Variants in EPHA6 observed in about 807,000 individuals in gnomAD.
EPHA6 encodes the protein EPH receptor A6, also known as ephrin type-A receptor 6.
EPHA6 carries 50 observed loss-of-function variants against 112.0 expected under a neutral mutation model. The ratio of observed to expected loss-of-function variants is 0.45; its 90% CI spans 0.36 to 0.56. EPHA6 has a LOEUF of 0.56. Among genes scored for constraint, EPHA6 ranks in the 20% least tolerant of loss-of-function variants. The probability of loss-of-function intolerance (pLI) is 0.00; values close to 1 mark genes in which losing one functional copy is unlikely to be tolerated. For missense variants in EPHA6, 1,280 were observed against 1,417.4 expected, an observed-to-expected ratio of 0.90 and a Z score of 1.56; for synonymous variants, 529 against 490.7, an observed-to-expected ratio of 1.08 and a Z score of -1.03.
chr3:97,539,115 T>C (rs1293863701), intron 11 of EPHA6, among the ~76,000 whole-genome samples: 4 of 148,838 alleles, frequency 2.7e-5, no homozygotes, highest in African/African-American at 1.0e-4. Flanking sequence ...TTTCTTTCTT[T>C]CTTTCTTTCT....
intron 3 of EPHA6, among the ~76,000 whole-genome samples, chr3:97,151,574 T>A (rs1157401038): frequency 6.6e-6 from 1 of 152,024 alleles, no homozygotes; most frequent in Non-Finnish European, 1.5e-5. Context: ...ACATAGGATC[T>A]GATGGTCTGA....
chr3:97,596,632 A>C (rs1246815073), intron 12 of EPHA6, among the ~76,000 whole-genome samples: 1 of 151,566 alleles, frequency 6.6e-6, no homozygotes, highest in African/African-American at 2.4e-5. Flanking sequence ...ATGTAAAGGC[A>C]TGTTTATTAT....
At chr3:97,225,868 C>A (rs764347600) in intron 3 of EPHA6, among the ~76,000 whole-genome samples, 2 of 152,098 alleles carry the variant, frequency 1.3e-5, no homozygotes, top group Non-Finnish European at 2.9e-5. Flanking sequence ...AATGTAAATA[C>A]ATTTTGAACA....
At chr3:96,825,386 GATT>G (rs1225162572) in intron 1 of EPHA6, among the ~76,000 whole-genome samples, 1 of 150,760 alleles carries the variant, frequency 6.6e-6, no homozygotes, top group African/African-American at 2.4e-5. Context: ...TTTGTTTATT[GATT>G]ATTTTACCTT....
At chr3:97,211,876 T>C (rs1485221933) in intron 3 of EPHA6, among the ~76,000 whole-genome samples, 1 of 152,214 alleles carries the variant, frequency 6.6e-6, no homozygotes, top group African/African-American at 2.4e-5. Context: ...TTATTTACTT[T>C]GTAGTTAATT....
At chr3:96,841,849 C>T (rs777652511) in intron 1 of EPHA6, among the ~76,000 whole-genome samples, 1 of 151,988 alleles carries the variant, frequency 6.6e-6, no homozygotes, top group Non-Finnish European at 1.5e-5. Flanking sequence ...ATTTGCATTT[C>T]TTTTGAGGAA....
intron 14 of EPHA6, among the ~76,000 whole-genome samples, chr3:97,667,206 A>C (rs1266707416): frequency 6.6e-6 from 1 of 152,230 alleles, no homozygotes; most frequent in Non-Finnish European, 1.5e-5. Context: ...TCTCAAGATG[A>C]TAATTAGCTG....
intron 12 of EPHA6, among the ~76,000 whole-genome samples, chr3:97,602,207 T>A (rs909831426): frequency 6.6e-6 from 1 of 152,032 alleles, no homozygotes; most frequent in African/African-American, 2.4e-5. Flanking sequence ...TAAAACAAAT[T>A]TATTTTTAAT....
At chr3:97,312,565 AT>A (rs2081611486) in intron 5 of EPHA6, among the ~76,000 whole-genome samples, 2 of 151,576 alleles carry the variant, frequency 1.3e-5, no homozygotes, top group Non-Finnish European at 3.0e-5. Flanking sequence ...GAAGTCTGAA[AT>A]CCAAAACACT....
chr3:97,441,906 C>A lies in EPHA6; in HGVS notation c.1732-6662C>A, dbSNP rs1577425914. 2.0e-5 allele frequency among the ~76,000 whole-genome samples: 3 copies of A among 151,898 alleles called. No individual in the cohort carries two copies. The South Asian group carries it at 6.2e-4, about 32-fold the overall frequency. On this transcript the variant is annotated intron_variant, in intron 6 of 17. Transcript: ENST00000389672. ...GAAAATGATGATTTATTTCATTCAA[C>A]CTTTAGGAGAGACATTTTCTACATA... is the stretch of plus-strand genomic sequence containing the variant.
intron 15 of EPHA6, among the ~76,000 whole-genome samples, chr3:97,735,541 T>A (rs758188365): frequency 3.1e-4 from 47 of 151,998 alleles, no homozygotes; most frequent in Non-Finnish European, 4.9e-4. Context: ...TTCTTAAAAT[T>A]TTTACTTAAG....
In EPHA6 at chr3:97,643,226, C is replaced by T. The variant is rs535097146; in HGVS notation, c.2784+5144C>T. On this transcript the variant is annotated intron_variant, in intron 14 of 17. Coordinates refer to ENST00000389672, the MANE Select transcript of EPHA6 (RefSeq NM_001080448.3). ...AGTGAAGGAGAAATAAAATACTTTA[C>T]AGACAAGCAAATGCTGAGAGATTTT... 2.7e-5 allele frequency among the ~76,000 whole-genome samples: 4 copies of T among 148,790 alleles called. No homozygotes were observed. The East Asian group carries it at 8.1e-4, about 30-fold the overall frequency.
chr3:97,297,331 A>G (rs141393859), intron 5 of EPHA6, among the ~76,000 whole-genome samples: 3,116 of 152,256 alleles, frequency 0.02, 46 homozygotes, highest in Non-Finnish European at 0.029. Context: ...CACTATTTTA[A>G]GCATGCTTAC....
At chr3:97,597,754 T>C (rs1455600833) in intron 12 of EPHA6, among the ~76,000 whole-genome samples, 3 of 152,256 alleles carry the variant, frequency 2.0e-5, no homozygotes, top group African/African-American at 4.8e-5. Context: ...TTCACTATTA[T>C]ACAGTCAAAA....
At chr3:96,871,520 T>G (rs2036621907) in intron 2 of EPHA6, among the ~76,000 whole-genome samples, 1 of 152,028 alleles carries the variant, frequency 6.6e-6, no homozygotes, top group Non-Finnish European at 1.5e-5. Context: ...TTTTTTTTTC[T>G]GAACCACAAT....
chr3:97,652,638 T>A (rs2107611787), intron 14 of EPHA6, among the ~76,000 whole-genome samples: 1 of 152,062 alleles, frequency 6.6e-6, no homozygotes, highest in South Asian at 2.1e-4. Context: ...GCTTTGAATA[T>A]GGTTTTGGGA....
chr3:97,290,751 GT>G (rs977036824), intron 5 of EPHA6, among the ~76,000 whole-genome samples: 1 of 151,140 alleles, frequency 6.6e-6, no homozygotes, highest in African/African-American at 2.4e-5. Flanking sequence ...ACCCATTCTA[GT>G]TTTTGGGGTC....
intron 3 of EPHA6, among the ~76,000 whole-genome samples, chr3:97,180,695 C>T (rs1232160000): frequency 1.3e-5 from 2 of 151,998 alleles, no homozygotes; most frequent in Non-Finnish European, 2.9e-5. Context: ...TGACTGATGC[C>T]CTATCCTGCT....
intron 16 of EPHA6, among the ~76,000 whole-genome samples, chr3:97,741,184 C>T (rs1206700193): frequency 2.0e-5 from 3 of 151,752 alleles, no homozygotes; most frequent in Admixed American, 6.6e-5. Flanking sequence ...CCCATCTCTA[C>T]AAAAAATTAA....
Sources: gnomAD v4.1 joint callset for allele counts (sites outside exome capture counted in the v4.1 genomes callset) on GRCh38, gnomAD v4.1.1 for gene constraint, MANE v1.5 for transcripts, NCBI Gene and HGNC (gene_info 2026-07-23, HGNC 2026-07-21) for gene names.